Variants in SATB1 observed in about 807,000 individuals in gnomAD.
SATB1 encodes DNA-binding protein SATB1.
A neutral mutation model predicts 86.9 loss-of-function variants in SATB1; 11 were observed. That is an observed-to-expected ratio of 0.13 (90% CI 0.08 to 0.21). The LOEUF (loss-of-function observed/expected upper bound fraction) is 0.21, where lower values mean the gene tolerates loss of function less well. Ranked by LOEUF, SATB1 falls within the 10% of genes least tolerant of loss-of-function variation. The pLI is 1.00. For synonymous variants in SATB1, 357 were observed against 357.2 expected (o/e 1.00, Z 0.01); for missense variants, 551 against 937.6 (o/e 0.59, Z 5.39).
chr3:18,349,443 C>T lies in SATB1; in HGVS notation c.2019G>A (p.Glu673=). The stretch of plus-strand genomic sequence containing the variant: ...GCTGGGCAGACAGAGTCTGGATGGC[C>T]TCTTCGTCAGGGTACAGGCCCACGT... ...IQDVGLYPDE[E]AIQTLSAQLD... The change falls in exon 11 of 11, where the codon GAG becomes GAA. Residue 673 remains glutamate, a synonymous_variant. Coordinates refer to ENST00000338745, the MANE Select transcript of SATB1 (RefSeq NM_002971.6). This position sits in a 1 kb window ranked among gnomAD's most constrained non-coding sequence, Gnocchi z 5.5. 6.2e-7 allele frequency: 1 copy of T among 1,614,198 alleles called. No homozygotes were observed.
chr3:18,423,302 T>A (rs973293052), intron 1 of SATB1, among the ~76,000 whole-genome samples: 1 of 152,178 alleles, frequency 6.6e-6, no homozygotes, highest in Non-Finnish European at 1.5e-5. Context: ...TATATGATAA[T>A]TACTGAATAA....
intron 2 of SATB1, among the ~76,000 whole-genome samples, chr3:18,432,670 GAA>G (rs200211603): frequency 0.027 from 4,094 of 152,130 alleles, 198 homozygotes; most frequent in African/African-American, 0.092. Context: ...TGGGCTGATA[GAA>G]AAAGAGTTGG....
chr3:18,394,773 G>A lies in SATB1; in HGVS notation c.895C>T (p.Pro299Ser), dbSNP rs780081097. Residue 299 changes from proline (P) to serine (S), a missense_variant, in exon 7 of 11, where the codon CCT becomes TCT. Transcript: ENST00000338745. The surrounding 1 kb of genome is among the most constrained non-coding windows in gnomAD (Gnocchi z 5.9). ...AGCCCAGGGTGCAGGTTTGGAAGAGGTGTCCGGACAGAGGGCTGGCTGCCA... is the reference window on the plus strand; with the variant it reads ...AGCCCAGGGTGCAGGTTTGGAAGAGATGTCCGGACAGAGGGCTGGCTGCCA... ...SHGSQPSVRT[P>S]LPNLHPGLVS... is the part of the protein sequence containing the mutation. 1.2e-6 allele frequency: 2 copies of A among 1,614,058 alleles called. No homozygotes were observed. The highest frequency in any genetic ancestry group is 3.3e-5 in the Admixed American group (2 of 59,992).
chr3:18,434,677 G>C (rs1699001267), intron 2 of SATB1, among the ~76,000 whole-genome samples: 1 of 151,674 alleles, frequency 6.6e-6, no homozygotes. Context: ...TAGTTAAGCA[G>C]GATCAGGTTC....
intron 5 of SATB1, among the ~76,000 whole-genome samples, chr3:18,407,346 A>C (rs9862522): frequency 0.23 from 34,708 of 151,908 alleles, 4,374 homozygotes; most frequent in Non-Finnish European, 0.26. Flanking sequence ...TAGTCTTTTA[A>C]TTTTTTCACA....
chr3:18,397,143 G>T, intron 6 of SATB1, 36 bp downstream of exon 6: 2 of 1,106,658 alleles, frequency 1.8e-6, no homozygotes, highest in Non-Finnish European at 2.8e-6. Context: ...ACACGTAATG[G>T]TATGTAGCCA....
Position 18,386,738 on chromosome 3 carries a change from A to G in SATB1, c.1207-127T>C, listed in dbSNP as rs1396078009. The G allele has an allele frequency of 1.5e-6, 1 of 685,698 alleles. No homozygotes were observed. The highest frequency in any genetic ancestry group is 1.8e-5 in the African/African-American group (1 of 55,614). The allele number at this position is 685,698 out of a possible 1,614,324, so 42.5% of individuals were successfully genotyped here. On this transcript the variant is annotated intron_variant, in intron 7 of 10. Coordinates refer to ENST00000338745, the MANE Select transcript of SATB1 (RefSeq NM_002971.6). This position sits in a 1 kb window ranked among gnomAD's most constrained non-coding sequence, Gnocchi z 4.5. ...TCAGAGGCATTAATTCTGCATAGGA[A>G]TATATTAGTTACAACTGAAGTGGTA...
intron 2 of SATB1, among the ~76,000 whole-genome samples, chr3:18,433,715 A>G (rs1381266381): frequency 1.3e-5 from 2 of 152,122 alleles, no homozygotes; most frequent in Non-Finnish European, 2.9e-5. Flanking sequence ...AGCATTAAAT[A>G]AAATACTAAA....
In SATB1 at chr3:18,352,853, A is replaced by C. The variant is rs1694439772; in HGVS notation, c.1576-658T>G. 6.6e-6 allele frequency: 1 copy of C among 152,480 alleles called. No individual in the cohort carries two copies. Among genetic ancestry groups the C allele is most frequent in the Non-Finnish European group, 1.5e-5 (1 of 68,274 alleles). The allele number at this position is 152,480 out of a possible 1,614,324, so 9.4% of individuals were successfully genotyped here. On this transcript the variant is annotated intron_variant, in intron 9 of 10. Transcript: ENST00000338745. The surrounding 1 kb of genome is among the most constrained non-coding windows in gnomAD (Gnocchi z 4.1). ...GGGAGCATATGATTTGTCAGGCAAG[A>C]ATTTAATAGGTTTCTTGGGCTAAGA...
chr3:18,419,762 C>T (rs9810646), intron 2 of SATB1, among the ~76,000 whole-genome samples: 3,890 of 152,198 alleles, frequency 0.026, 176 homozygotes, highest in African/African-American at 0.087. Flanking sequence ...AAAGAATTTG[C>T]TGAAGTGCTG....
chr3:18,437,151 CA>C (rs1206830488), intron 1 of SATB1, among the ~76,000 whole-genome samples: 1 of 151,930 alleles, frequency 6.6e-6, no homozygotes, highest in Non-Finnish European at 1.5e-5. Flanking sequence ...AATTATTCCA[CA>C]AAAAGAAGTA....
intron 2 of SATB1, among the ~76,000 whole-genome samples, chr3:18,419,856 G>A (rs1011795217): frequency 7.2e-5 from 11 of 151,960 alleles, no homozygotes; most frequent in Admixed American, 2.0e-4. Context: ...CTTTGTTTTC[G>A]CCAAACCAAG....
At chr3:18,423,068 G>T (rs934374508) in intron 1 of SATB1, among the ~76,000 whole-genome samples, 1 of 152,056 alleles carries the variant, frequency 6.6e-6, no homozygotes, top group African/African-American at 2.4e-5. Flanking sequence ...CTCTATGCCC[G>T]GGCTAAAGTT....
chr3:18,387,569 A>G (rs1439956406), intron 7 of SATB1, among the ~76,000 whole-genome samples: 1 of 152,202 alleles, frequency 6.6e-6, no homozygotes, highest in Admixed American at 6.5e-5. Context: ...CATTTAAGAG[A>G]CAATATGAAA....
At chr3:18,364,132 T>A (rs1176751349) in intron 9 of SATB1, among the ~76,000 whole-genome samples, 1 of 152,324 alleles carries the variant, frequency 6.6e-6, no homozygotes, top group East Asian at 1.9e-4. Flanking sequence ...AATACATATA[T>A]ATTTTTTTCC....
At position 18,444,889 on chromosome 3, in the gene SATB1, G is replaced by C. The variant is rs1321613440; in HGVS notation, c.-25+629C>G. ...AAGGGAAGGAAGAGAAGGAGGGGGA[G>C]GGAGGAGATGTTAACGGGCGGGGGG... On this transcript the variant is annotated intron_variant, in intron 1 of 3. Coordinates refer to the SATB1 transcript ENST00000415069. This position sits in a 1 kb window ranked among gnomAD's most constrained non-coding sequence, Gnocchi z 5.1. The C allele has an allele frequency of 7.2e-6, 1 of 139,030 alleles. No individual in the cohort carries two copies. The highest frequency in any genetic ancestry group is 7.0e-5 in the Admixed American group (1 of 14,234). The allele number at this position is 139,030 out of a possible 1,614,324, so 8.6% of individuals were successfully genotyped here.
chr3:18,418,229 C>T (rs1285147964), intron 2 of SATB1, among the ~76,000 whole-genome samples: 3 of 152,106 alleles, frequency 2.0e-5, no homozygotes, highest in Non-Finnish European at 2.9e-5. Context: ...CAGAATCCTA[C>T]CAACTTCTGA....
intron 8 of SATB1, 40 bp from the exon 9 acceptor site, chr3:18,378,365 CTGAAT>C: frequency 6.2e-7 from 1 of 1,601,266 alleles, no homozygotes; most frequent in Non-Finnish European, 8.5e-7. Flanking sequence ...TTTTCATTGG[CTGAAT>C]TGTTTTGAAG....
intron 7 of SATB1, among the ~76,000 whole-genome samples, chr3:18,390,812 G>GA (rs1261005332): frequency 6.6e-6 from 1 of 152,108 alleles, no homozygotes; most frequent in Non-Finnish European, 1.5e-5. Flanking sequence ...GTTAAACTCT[G>GA]AATTTTATTC....
Sources: gnomAD v4.1 joint callset for allele counts (sites outside exome capture counted in the v4.1 genomes callset) on GRCh38, gnomAD v4.1.1 for gene constraint, Gnocchi (gnomAD v3.1) non-coding constraint, MANE v1.5 for transcripts, NCBI Gene and HGNC (gene_info 2026-07-23, HGNC 2026-07-21) for gene names.